The following TMPRSS9 variants were observed in gnomAD, a reference collection of about 807,000 sequenced individuals.
TMPRSS9 encodes transmembrane protease serine 9.
TMPRSS9 carries 113 observed loss-of-function variants against 111.4 expected under a neutral mutation model. That is an observed-to-expected ratio of 1.01 (90% CI 0.87 to 1.19). The LOEUF is 1.19. TMPRSS9 is among the 50% of genes most tolerant of loss of function. TMPRSS9 has a pLI of 0.00. For synonymous variants in TMPRSS9, 805 were observed against 659.1 expected, an observed-to-expected ratio of 1.22 and a Z score of -3.39; for missense variants, 1,803 against 1,513.1, an observed-to-expected ratio of 1.19 and a Z score of -3.18.
upstream of TMPRSS9, among the ~76,000 whole-genome samples, chr19:2,385,176 G>T (rs1658477398): frequency 3.0e-5 from 4 of 132,724 alleles, 2 homozygotes; most frequent in South Asian, 8.8e-4. Flanking sequence ...GGCTCGCGGG[G>T]GGCGGGGCTC....
chr19:2,362,222 G>A (rs1159203928), intron 1 of TMPRSS9, among the ~76,000 whole-genome samples: 2 of 152,002 alleles, frequency 1.3e-5, no homozygotes, highest in African/African-American at 2.4e-5. Context: ...GTGTGGTCGG[G>A]TGGGATCGTA....
intron 1 of TMPRSS9, among the ~76,000 whole-genome samples, chr19:2,362,066 T>C (rs1970203852): frequency 6.6e-6 from 1 of 152,034 alleles, no homozygotes; most frequent in South Asian, 2.1e-4. Flanking sequence ...TGTAGCTGCA[T>C]ATGGCCATGT....
At chr19:2,369,544 C>T (rs539735438) in intron 1 of TMPRSS9, among the ~76,000 whole-genome samples, 14 of 152,118 alleles carry the variant, frequency 9.2e-5, no homozygotes, top group Admixed American at 8.5e-4. Flanking sequence ...CCTGCCTCAG[C>T]CTCCCAAGTA....
intron 1 of TMPRSS9, among the ~76,000 whole-genome samples, chr19:2,384,593 A>T (rs947766300): frequency 6.6e-6 from 1 of 151,830 alleles, no homozygotes; most frequent in Non-Finnish European, 1.5e-5. Context: ...AGGCGGGAGG[A>T]TCACGAGGTC....
chr19:2,390,018 T>C (rs1237387711), intron 1 of TMPRSS9, 91 bp downstream of exon 2: 11 of 1,505,662 alleles, frequency 7.3e-6, no homozygotes, highest in Non-Finnish European at 9.0e-6. Flanking sequence ...CTTGGCCATC[T>C]GGAATCAAAG....
chr19:2,420,157 A>G (rs1971429630), intron 13 of TMPRSS9, among the ~76,000 whole-genome samples: 1 of 131,436 alleles, frequency 7.6e-6, no homozygotes, highest in African/African-American at 3.3e-5. Flanking sequence ...GCAAGACCCT[A>G]TCTCAAAAAA....
chr19:2,425,708 A>C (rs1025327131), intron 17 of TMPRSS9: 2 of 1,189,576 alleles, frequency 1.7e-6, no homozygotes, highest in Non-Finnish European at 2.2e-6. Flanking sequence ...TCGGCGGCAG[A>C]GCAGGCAGAG....
At chr19:2,396,306 G>A (rs963192416) in intron 1 of TMPRSS9, 25 of 464,914 alleles carry the variant, frequency 5.4e-5, no homozygotes, top group East Asian at 1.1e-4. Context: ...GGGGACCTCC[G>A]GGTGGGTGGC....
At chr19:2,401,269 G>T (rs927636270) in intron 4 of TMPRSS9, among the ~76,000 whole-genome samples, 3 of 151,040 alleles carry the variant, frequency 2.0e-5, no homozygotes, top group Admixed American at 2.0e-4. Flanking sequence ...GGGAGACTCC[G>T]TCTCAAAAAA....
intron 1 of TMPRSS9, among the ~76,000 whole-genome samples, chr19:2,361,798 CAAAGGGT>C (rs1330051739): frequency 6.6e-6 from 1 of 152,150 alleles, no homozygotes; most frequent in Non-Finnish European, 1.5e-5. Context: ...GGGGACTTGC[CAAAGGGT>C]TCAGGCACTG....
At chr19:2,422,288 C>T in intron 14 of TMPRSS9, 41 bp downstream of exon 15, 1 of 1,487,384 alleles carries the variant, frequency 6.7e-7, no homozygotes, top group Non-Finnish European at 8.9e-7. Context: ...GTGGAGGGTC[C>T]CATGTTAATC....
chr19:2,396,688 G>C (rs998754207), intron 2 of TMPRSS9, 22 bp downstream of exon 3: 5 of 1,590,928 alleles, frequency 3.1e-6, no homozygotes, highest in Non-Finnish European at 3.4e-6. Context: ...CTGTGTTTGG[G>C]GGCCAGGGAG....
intron 1 of TMPRSS9, 74 bp from the exon 3 acceptor site, chr19:2,396,465 G>A: frequency 6.7e-7 from 1 of 1,488,856 alleles, no homozygotes; most frequent in Non-Finnish European, 9.0e-7. Flanking sequence ...ACAGGGCGGG[G>A]CCTGGGTGGC....
chr19:2,415,426 G>C (rs936973489), intron 10 of TMPRSS9, among the ~76,000 whole-genome samples: 1 of 152,062 alleles, frequency 6.6e-6, no homozygotes, highest in Non-Finnish European at 1.5e-5. Context: ...GGGGGTCCTC[G>C]GGCTGACTGG....
upstream of TMPRSS9, among the ~76,000 whole-genome samples, chr19:2,387,368 G>A (rs962968810): frequency 6.6e-6 from 1 of 152,130 alleles, no homozygotes; most frequent in Non-Finnish European, 1.5e-5. Context: ...GGTGCTGGGC[G>A]CCTGTAATCC....
intron 17 of TMPRSS9, 72 bp from the exon 19 acceptor site, chr19:2,425,855 G>C (rs914693387): frequency 2.0e-6 from 3 of 1,506,194 alleles, no homozygotes; most frequent in Non-Finnish European, 2.6e-6. Flanking sequence ...CACTCCTAGA[G>C]GGGCCAATGA....
intron 1 of TMPRSS9, among the ~76,000 whole-genome samples, chr19:2,393,160 T>C (rs2145292208): frequency 6.6e-6 from 1 of 152,290 alleles, no homozygotes; most frequent in Middle Eastern, 3.4e-3. Context: ...GGCAACCGGC[T>C]TGGGGACCTT....
upstream of TMPRSS9, among the ~76,000 whole-genome samples, chr19:2,386,547 T>C (rs1211927215): frequency 1.3e-5 from 2 of 151,262 alleles, no homozygotes; most frequent in Non-Finnish European, 2.9e-5. Context: ...ATTACAGGCG[T>C]GAGCCACTGC....
At chr19:2,366,778 A>AT (rs1555764050) in intron 1 of TMPRSS9, among the ~76,000 whole-genome samples, 1 of 149,930 alleles carries the variant, frequency 6.7e-6, no homozygotes, top group Admixed American at 6.7e-5. Flanking sequence ...AATGGCGTGA[A>AT]CCCAGGAGGT....
Sources: allele counts gnomAD v4.1 joint callset (sites outside exome capture counted in the v4.1 genomes callset), GRCh38; gene constraint gnomAD v4.1.1; transcripts MANE v1.5; gene names NCBI Gene and HGNC (gene_info 2026-07-23, HGNC 2026-07-21).